The following AFAP1 variants were observed in gnomAD, a reference collection of about 807,000 sequenced individuals.
AFAP1 encodes the protein actin filament associated protein 1.
A neutral mutation model predicts 93.9 loss-of-function variants in AFAP1; 75 were observed. The observed-to-expected ratio is 0.80, with a 90% CI of 0.66 to 0.97. The LOEUF is 0.97. AFAP1 is among the 50% of genes least tolerant of loss of function. The pLI is 0.00. For missense variants in AFAP1, 1,201 were observed against 1,050.8 expected (o/e 1.14, Z -1.98); for synonymous variants, 517 against 430.7 (o/e 1.20, Z -2.48).
intron 1 of AFAP1, among the ~76,000 whole-genome samples, chr4:7,913,562 A>G (rs1719895845): frequency 6.6e-6 from 1 of 152,216 alleles, no homozygotes; most frequent in Non-Finnish European, 1.5e-5. Flanking sequence ...TACCTAAGAT[A>G]TCACATACTG....
chr4:7,835,833 T>C (rs1348667401), intron 6 of AFAP1, among the ~76,000 whole-genome samples: 4 of 123,844 alleles, frequency 3.2e-5, no homozygotes, highest in Admixed American at 7.8e-5. Flanking sequence ...GAATGGACTG[T>C]GGGCTGTCTT....
intron 3 of AFAP1, among the ~76,000 whole-genome samples, chr4:7,865,540 T>C (rs1326255279): frequency 1.3e-5 from 2 of 152,124 alleles, no homozygotes; most frequent in Non-Finnish European, 2.9e-5. Flanking sequence ...ACCATTTTCC[T>C]ACCAAAGGCA....
At chr4:7,888,506 T>C (rs1310503598) in intron 1 of AFAP1, among the ~76,000 whole-genome samples, 1 of 152,102 alleles carries the variant, frequency 6.6e-6, no homozygotes, top group Non-Finnish European at 1.5e-5. Flanking sequence ...TTCAAAAACA[T>C]GGATGAAATG....
chr4:7,760,769 G>C lies in AFAP1; in HGVS notation c.*2996C>G, dbSNP rs1360384187. 6.6e-6 allele frequency: 1 copy of C among 152,298 alleles called. No individual in the cohort carries two copies. Among genetic ancestry groups the C allele is most frequent in the African/African-American group, 2.4e-5 (1 of 41,474 alleles). The allele number at this position is 152,298 out of a possible 1,614,324, so 9.4% of individuals were successfully genotyped here. On this transcript the variant is annotated 3_prime_UTR_variant, in exon 18 of 18. Transcript: ENST00000420658. ...CTGAAGAGTGACACTGTGGCTCAAG[G>C]TTAGAATGGAAGGAGCCCTGAGCCC...
chr4:7,856,147 A>T (rs1313258781), intron 3 of AFAP1, among the ~76,000 whole-genome samples: 1 of 152,208 alleles, frequency 6.6e-6, no homozygotes, highest in Non-Finnish European at 1.5e-5. Flanking sequence ...GTGCTAGGAA[A>T]ACTTTAAAAA....
chr4:7,856,084 C>T (rs758296594), intron 3 of AFAP1, among the ~76,000 whole-genome samples: 8 of 152,238 alleles, frequency 5.3e-5, no homozygotes, highest in Non-Finnish European at 7.3e-5. Context: ...GTGAGCCACA[C>T]TGGCTGAGTG....
chr4:7,936,040 T>C (rs1254283374), intron 1 of AFAP1, among the ~76,000 whole-genome samples: 1 of 152,144 alleles, frequency 6.6e-6, no homozygotes, highest in Non-Finnish European at 1.5e-5. Context: ...AAGAACAAAG[T>C]ACATGGAGCA....
intron 1 of AFAP1, among the ~76,000 whole-genome samples, chr4:7,909,081 G>A (rs911426083): frequency 2.6e-5 from 4 of 151,958 alleles, no homozygotes; most frequent in Admixed American, 1.3e-4. Context: ...GAGGGGTAAG[G>A]GTATACTACC....
chr4:7,891,618 T>C (rs1718476217), intron 1 of AFAP1, among the ~76,000 whole-genome samples: 1 of 151,992 alleles, frequency 6.6e-6, no homozygotes, highest in South Asian at 2.1e-4. Context: ...ATGAATTGTA[T>C]TCTCTTCATT....
intron 1 of AFAP1, among the ~76,000 whole-genome samples, chr4:7,912,524 C>T (rs901825256): frequency 2.6e-5 from 4 of 152,108 alleles, no homozygotes; most frequent in African/African-American, 7.2e-5. Context: ...GTGGCTTTAG[C>T]GTGCATTTTT....
chr4:7,934,004 T>C (rs1308752276), intron 1 of AFAP1, among the ~76,000 whole-genome samples: 1 of 152,122 alleles, frequency 6.6e-6, no homozygotes, highest in Non-Finnish European at 1.5e-5. Flanking sequence ...CCTAGCGGAG[T>C]GTCTGGCACG....
In AFAP1 at chr4:7,792,997, G is replaced by A. The variant is rs754081968; in HGVS notation, c.1412+684C>T. 1.2e-4 allele frequency among the ~76,000 whole-genome samples: 18 copies of A among 152,324 alleles called. No homozygotes were observed. In the South Asian group the frequency reaches 2.5e-3, roughly 21 times the overall value. On this transcript the variant is annotated intron_variant, in intron 11 of 17. Transcript: ENST00000420658. ...AGTGGAAAAAGGAAACAATGTCTTAGTATATTATGAAAATAATTTAACCCC... is the reference window on the plus strand; with the variant it reads ...AGTGGAAAAAGGAAACAATGTCTTAATATATTATGAAAATAATTTAACCCC...
intron 6 of AFAP1, among the ~76,000 whole-genome samples, chr4:7,823,255 A>G (rs1721131890): frequency 6.6e-6 from 1 of 152,156 alleles, no homozygotes; most frequent in Admixed American, 6.5e-5. Context: ...AGTTTGATTA[A>G]AGGGAAAACA....
chr4:7,852,904 GA>G (rs1714616781), intron 4 of AFAP1, among the ~76,000 whole-genome samples: 1 of 152,076 alleles, frequency 6.6e-6, no homozygotes, highest in Admixed American at 6.5e-5. Context: ...ACAGGCTCTA[GA>G]AGAGAATGGA....
At chr4:7,926,148 C>T (rs1021732296) in intron 1 of AFAP1, among the ~76,000 whole-genome samples, 1 of 152,170 alleles carries the variant, frequency 6.6e-6, no homozygotes, top group Admixed American at 6.5e-5. Flanking sequence ...CGGGGTCACC[C>T]AAATACAAGA....
intron 9 of AFAP1, among the ~76,000 whole-genome samples, chr4:7,807,348 C>G (rs570110646): frequency 2.0e-5 from 3 of 152,352 alleles, no homozygotes; most frequent in African/African-American, 7.2e-5. Flanking sequence ...GGCAGTCCCA[C>G]CTTCCATGCG....
chr4:7,920,228 C>A (rs1280695695), intron 1 of AFAP1, among the ~76,000 whole-genome samples: 1 of 152,166 alleles, frequency 6.6e-6, no homozygotes, highest in East Asian at 1.9e-4. Flanking sequence ...CTGTCTTCCA[C>A]AACAGTTGAA....
At chr4:7,779,662 A>C (rs568640175) in intron 13 of AFAP1, among the ~76,000 whole-genome samples, 1 of 152,316 alleles carries the variant, frequency 6.6e-6, no homozygotes, top group Admixed American at 6.5e-5. Context: ...CTAGCTCCAA[A>C]TTCTGGCTCT....
chr4:7,863,684 C>T, intron 3 of AFAP1, among the ~76,000 whole-genome samples: 1 of 152,114 alleles, frequency 6.6e-6, no homozygotes, highest in Non-Finnish European at 1.5e-5. Flanking sequence ...CACCATGTCA[C>T]ACAGGGCATC....
Sources: gnomAD v4.1 joint callset for allele counts (sites outside exome capture counted in the v4.1 genomes callset) on GRCh38, gnomAD v4.1.1 for gene constraint, MANE v1.5 for transcripts, NCBI Gene and HGNC (gene_info 2026-07-23, HGNC 2026-07-21) for gene names.